CSMD3: variants seen among roughly 807,000 people sequenced by gnomAD.
CSMD3 encodes CUB and Sushi multiple domains 3, also known as CUB and sushi domain-containing protein 3.
Under a neutral mutation model 435.2 loss-of-function variants are expected in CSMD3, and 177 were observed. The ratio of observed to expected loss-of-function variants is 0.41; its 90% CI spans 0.36 to 0.46. CSMD3 has a LOEUF of 0.46. CSMD3 is among the 20% of genes least tolerant of loss of function. The pLI, the probability that CSMD3 is intolerant of heterozygous loss-of-function variation, is 0.34. For missense variants in CSMD3, 4,265 were observed against 4,504.6 expected, an observed-to-expected ratio of 0.95 and a Z score of 1.52; for synonymous variants, 1,656 against 1,520.5, an observed-to-expected ratio of 1.09 and a Z score of -2.07.
At chr8:112,964,868 A>G (rs895475794) in intron 7 of CSMD3, among the ~76,000 whole-genome samples, 2 of 152,002 alleles carry the variant, frequency 1.3e-5, no homozygotes, top group African/African-American at 4.8e-5. Flanking sequence ...TTGTGAAGAG[A>G]AAAATATCCT....
chr8:113,154,903 A>G (rs745320795), intron 4 of CSMD3, among the ~76,000 whole-genome samples: 5 of 152,042 alleles, frequency 3.3e-5, no homozygotes, highest in Non-Finnish European at 7.4e-5. Flanking sequence ...GAACATAAGA[A>G]ATATAAATTT....
At chr8:113,276,723 G>T (rs1476058562) in intron 3 of CSMD3, among the ~76,000 whole-genome samples, 1 of 151,994 alleles carries the variant, frequency 6.6e-6, no homozygotes, top group Non-Finnish European at 1.5e-5. Context: ...ATTATTTTAA[G>T]ATGTTAAATT....
intron 5 of CSMD3, among the ~76,000 whole-genome samples, chr8:113,036,212 A>T (rs2131265277): frequency 6.6e-6 from 1 of 152,116 alleles, no homozygotes; most frequent in Non-Finnish European, 1.5e-5. Flanking sequence ...GGTTATTGCA[A>T]TTAAAGAACA....
intron 10 of CSMD3, among the ~76,000 whole-genome samples, chr8:112,883,556 T>A (rs1299479958): frequency 6.6e-6 from 1 of 151,954 alleles, no homozygotes; most frequent in African/African-American, 2.4e-5. Flanking sequence ...TTTTTAGAAT[T>A]TTTTTGTAAT....
intron 3 of CSMD3, among the ~76,000 whole-genome samples, chr8:113,259,817 G>C (rs1369984883): frequency 6.6e-6 from 1 of 152,078 alleles, no homozygotes; most frequent in African/African-American, 2.4e-5. Context: ...TATACTCAAG[G>C]GTTGTATAAG....
chr8:112,727,012 GCTT>G (rs2076980762), intron 13 of CSMD3, among the ~76,000 whole-genome samples: 1 of 151,668 alleles, frequency 6.6e-6, no homozygotes, highest in Non-Finnish European at 1.5e-5. Flanking sequence ...AAATGACTAT[GCTT>G]CTTAAATTTA....
chr8:112,594,035 C>T (rs559762791), intron 22 of CSMD3, among the ~76,000 whole-genome samples: 1 of 152,282 alleles, frequency 6.6e-6, no homozygotes, highest in African/African-American at 2.4e-5. Context: ...CGAATAGGAA[C>T]AGCTCCGGTC....
chr8:113,234,833 C>T (rs961828165), intron 3 of CSMD3, among the ~76,000 whole-genome samples: 2 of 152,070 alleles, frequency 1.3e-5, no homozygotes, highest in Non-Finnish European at 2.9e-5. Context: ...TCAGCTAACA[C>T]GTGTGACGAT....
chr8:113,073,348 T>C (rs559744847), intron 5 of CSMD3, among the ~76,000 whole-genome samples: 1 of 151,792 alleles, frequency 6.6e-6, no homozygotes, highest in South Asian at 2.1e-4. Context: ...AAATATGGAG[T>C]TCGTAAATTC....
At chr8:113,280,032 G>T (rs998412061) in intron 2 of CSMD3, among the ~76,000 whole-genome samples, 1 of 151,690 alleles carries the variant, frequency 6.6e-6, no homozygotes, top group Non-Finnish European at 1.5e-5. Context: ...GATCATGGTG[G>T]GTTATCTTTT....
chr8:112,634,607 C>A (rs574717930), intron 22 of CSMD3, among the ~76,000 whole-genome samples: 8 of 151,776 alleles, frequency 5.3e-5, no homozygotes, highest in Non-Finnish European at 1.0e-4. Context: ...GATTTGGGTA[C>A]GAATAAACCA....
chr8:112,492,012 A>G (rs536016869), intron 31 of CSMD3, among the ~76,000 whole-genome samples: 1 of 152,340 alleles, frequency 6.6e-6, no homozygotes, highest in South Asian at 2.1e-4. Flanking sequence ...ATCTCCTTCT[A>G]GACAACCTAA....
chr8:112,563,110 T>C (rs930679555), intron 24 of CSMD3, among the ~76,000 whole-genome samples: 1 of 151,638 alleles, frequency 6.6e-6, no homozygotes, highest in South Asian at 2.1e-4. Context: ...TCCTCTGTGA[T>C]TGAGATATAA....
intron 1 of CSMD3, among the ~76,000 whole-genome samples, chr8:113,398,512 A>G (rs1013721115): frequency 1.3e-5 from 2 of 152,158 alleles, no homozygotes; most frequent in Non-Finnish European, 1.5e-5. Flanking sequence ...CTCCAAAAGA[A>G]TTGTCGACAT....
At chr8:113,170,120 G>T (rs1321146181) in intron 4 of CSMD3, among the ~76,000 whole-genome samples, 1 of 152,116 alleles carries the variant, frequency 6.6e-6, no homozygotes, top group Non-Finnish European at 1.5e-5. Context: ...TCCAGGGAAA[G>T]CAATGAGTAG....
chr8:113,385,667 G>A (rs1000603766), intron 1 of CSMD3, among the ~76,000 whole-genome samples: 5 of 152,058 alleles, frequency 3.3e-5, no homozygotes, highest in Non-Finnish European at 7.4e-5. Flanking sequence ...TGAATTTGTG[G>A]ATTCTTCAAC....
At chr8:112,452,615 C>G (rs921973465) in intron 32 of CSMD3, among the ~76,000 whole-genome samples, 2 of 151,988 alleles carry the variant, frequency 1.3e-5, no homozygotes, top group African/African-American at 4.8e-5. Context: ...ATTTTATTGC[C>G]TTTTTAAGGA....
intron 22 of CSMD3, among the ~76,000 whole-genome samples, chr8:112,626,125 G>T (rs1271021827): frequency 6.6e-6 from 1 of 152,040 alleles, no homozygotes; most frequent in Non-Finnish European, 1.5e-5. Context: ...AAAAAAACCA[G>T]AAATGATAAT....
At chr8:113,367,571 T>C (rs1399312305) in intron 1 of CSMD3, among the ~76,000 whole-genome samples, 3 of 152,108 alleles carry the variant, frequency 2.0e-5, no homozygotes, top group Admixed American at 1.3e-4. Context: ...CTCTTTACCA[T>C]GATCTAAAAA....
Sources: gnomAD v4.1 joint callset for allele counts (sites outside exome capture counted in the v4.1 genomes callset) on GRCh38, gnomAD v4.1.1 for gene constraint, MANE v1.5 for transcripts, NCBI Gene and HGNC (gene_info 2026-07-23, HGNC 2026-07-21) for gene names.